The following ASTN1 variants were observed in gnomAD, a reference collection of about 807,000 sequenced individuals.
ASTN1 encodes astrotactin-1.
In ASTN1, 41 loss-of-function variants were observed where a neutral mutation model predicts 140.7. The ratio of observed to expected loss-of-function variants is 0.29; its 90% CI spans 0.23 to 0.38. The LOEUF is 0.38. Ranked by LOEUF, ASTN1 falls within the 10% of genes least tolerant of loss-of-function variation. The pLI, the probability that ASTN1 is intolerant of heterozygous loss-of-function variation, is 1.00. For synonymous variants in ASTN1, 640 were observed against 652.2 expected (o/e 0.98, Z 0.29); for missense variants, 1,479 against 1,678.8 (o/e 0.88, Z 2.08).
At chr1:177,059,085 G>C (rs1216198493) in intron 2 of ASTN1, among the ~76,000 whole-genome samples, 2 of 151,906 alleles carry the variant, frequency 1.3e-5, no homozygotes, top group Admixed American at 6.6e-5. Flanking sequence ...TTTATTTTTG[G>C]AAATCTCTAT....
At chr1:177,068,603 T>G (rs1042502726) in intron 1 of ASTN1, among the ~76,000 whole-genome samples, 1 of 152,108 alleles carries the variant, frequency 6.6e-6, no homozygotes, top group Non-Finnish European at 1.5e-5. Flanking sequence ...CTTTCTCATC[T>G]TCAAACCATG....
chr1:176,966,975 A>G (rs1328900192), intron 8 of ASTN1, among the ~76,000 whole-genome samples: 1 of 152,198 alleles, frequency 6.6e-6, no homozygotes, highest in African/African-American at 2.4e-5. Context: ...AATATTTGTT[A>G]CAAAATATTG....
intron 1 of ASTN1, among the ~76,000 whole-genome samples, chr1:177,154,933 T>A (rs1455538363): frequency 6.6e-6 from 1 of 152,184 alleles, no homozygotes; most frequent in African/African-American, 2.4e-5. Context: ...TTTTTATTCA[T>A]AATTGCCAAA....
chr1:177,023,983 G>T (rs1675966236), intron 6 of ASTN1, among the ~76,000 whole-genome samples: 1 of 152,188 alleles, frequency 6.6e-6, no homozygotes. Context: ...CTAACACTGC[G>T]TGAACAGTCC....
chr1:177,034,070 G>A (rs924722535), intron 2 of ASTN1, among the ~76,000 whole-genome samples: 16 of 151,984 alleles, frequency 1.1e-4, no homozygotes, highest in African/African-American at 2.7e-4. Context: ...ATAAAAATCC[G>A]CTACTAATTC....
rs181557679 is a variant in ASTN1, at chr1:176,893,744, A to G, written c.2940+818T>C. ...CCAAGGCTGCCTTTGCCATAGTTCCAGAAGTCCCACACCCGGCGTCTCCTT... is the reference window on the plus strand; with the variant it reads ...CCAAGGCTGCCTTTGCCATAGTTCCGGAAGTCCCACACCCGGCGTCTCCTT... On this transcript the variant is annotated intron_variant, in intron 17 of 22. Transcript: ENST00000361833. 1.3e-3 allele frequency among the ~76,000 whole-genome samples: 194 copies of G among 152,324 alleles called. 1 individual carries two copies. In the Middle Eastern group the frequency reaches 0.017, roughly 13 times the overall value.
intron 1 of ASTN1, among the ~76,000 whole-genome samples, chr1:177,094,008 G>A (rs1679902134): frequency 6.6e-6 from 1 of 152,110 alleles, no homozygotes; most frequent in South Asian, 2.1e-4. Context: ...GAAATGCCCT[G>A]CCAAAATTTC....
At chr1:176,866,018 T>C (rs962257766) in intron 22 of ASTN1, among the ~76,000 whole-genome samples, 2 of 152,214 alleles carry the variant, frequency 1.3e-5, no homozygotes, top group African/African-American at 4.8e-5. Context: ...GAATTCAAGA[T>C]GAGATTTGGG....
intron 16 of ASTN1, among the ~76,000 whole-genome samples, chr1:176,896,718 C>T (rs56351309): frequency 0.054 from 8,185 of 152,180 alleles, 282 homozygotes; most frequent in African/African-American, 0.097. Flanking sequence ...AGAGAGAACT[C>T]TTTTTATGAA....
At chr1:177,000,430 A>T (rs1674672348) in intron 8 of ASTN1, among the ~76,000 whole-genome samples, 1 of 152,202 alleles carries the variant, frequency 6.6e-6, no homozygotes, top group Non-Finnish European at 1.5e-5. Flanking sequence ...AGACTCATAA[A>T]ACTTATGATC....
At chr1:176,869,908 A>G (rs982321343) in intron 21 of ASTN1, among the ~76,000 whole-genome samples, 9 of 152,172 alleles carry the variant, frequency 5.9e-5, no homozygotes, top group Admixed American at 5.2e-4. Context: ...GGGAAAGCAG[A>G]ACCCTTGTTA....
chr1:176,857,481 G>A (rs146828029), downstream of ASTN1: 54 of 416,772 alleles, frequency 1.3e-4, no homozygotes, highest in East Asian at 1.2e-3. Flanking sequence ...ACATCAGGGC[G>A]CAGCTCCTGC....
chr1:177,012,948 C>T (rs987414517), intron 8 of ASTN1, among the ~76,000 whole-genome samples: 9 of 152,160 alleles, frequency 5.9e-5, no homozygotes, highest in East Asian at 3.9e-4. Flanking sequence ...CACAGTCCAC[C>T]GCAATTCTTA....
chr1:176,962,400 T>C (rs931535340), intron 9 of ASTN1, among the ~76,000 whole-genome samples: 1 of 152,208 alleles, frequency 6.6e-6, no homozygotes, highest in African/African-American at 2.4e-5. Context: ...TTCAAGTTTT[T>C]AGGAAATGCC....
chr1:176,894,523 G>A (rs1669408902), intron 17 of ASTN1, 39 bp downstream of exon 17: 1 of 1,602,268 alleles, frequency 6.2e-7, no homozygotes, highest in Non-Finnish European at 8.5e-7. Context: ...TTCTGTTGTG[G>A]TTGACGCCTC....
chr1:176,902,869 C>A (rs1161728836), intron 16 of ASTN1, among the ~76,000 whole-genome samples: 1 of 152,200 alleles, frequency 6.6e-6, no homozygotes, highest in African/African-American at 2.4e-5. Context: ...TCCAGCTCTA[C>A]ACAGCCCATG....
chr1:177,047,873 T>G (rs937689124), intron 2 of ASTN1, among the ~76,000 whole-genome samples: 3 of 152,046 alleles, frequency 2.0e-5, no homozygotes, highest in Non-Finnish European at 4.4e-5. Flanking sequence ...ATAATGAAAA[T>G]GCGCTACTTG....
intron 16 of ASTN1, among the ~76,000 whole-genome samples, chr1:176,914,341 G>A (rs1439377805): frequency 1.3e-5 from 2 of 152,128 alleles, no homozygotes; most frequent in East Asian, 3.9e-4. Flanking sequence ...GCCTCATGGA[G>A]GAATATGTTC....
chr1:177,024,797 C>T (rs966697784), intron 5 of ASTN1, 65 bp from the exon 6 acceptor site: 24 of 1,551,858 alleles, frequency 1.5e-5, no homozygotes, highest in South Asian at 2.3e-5. Flanking sequence ...TCCAACTTGG[C>T]TTTTTGCCAA....
Sources: allele counts gnomAD v4.1 joint callset (sites outside exome capture counted in the v4.1 genomes callset), GRCh38; gene constraint gnomAD v4.1.1; transcripts MANE v1.5; gene names NCBI Gene and HGNC (gene_info 2026-07-23, HGNC 2026-07-21).